Variants in EBF2 observed in about 807,000 individuals in gnomAD.
The protein encoded by EBF2 is EBF transcription factor 2.
A neutral mutation model predicts 72.8 loss-of-function variants in EBF2; 21 were observed. The observed-to-expected ratio is 0.29, with a 90% CI of 0.20 to 0.42. EBF2 has a LOEUF of 0.42. Ranked by LOEUF, EBF2 falls within the 10% of genes least tolerant of loss-of-function variation. The pLI is 1.00. For synonymous variants in EBF2, 299 were observed against 274.2 expected, an observed-to-expected ratio of 1.09 and a Z score of -0.89; for missense variants, 637 against 731.2, an observed-to-expected ratio of 0.87 and a Z score of 1.49.
At chr8:25,925,402 C>T (rs1338324705) in intron 6 of EBF2, among the ~76,000 whole-genome samples, 2 of 151,848 alleles carry the variant, frequency 1.3e-5, no homozygotes, top group Non-Finnish European at 2.9e-5. Flanking sequence ...ACCTGAGGTG[C>T]CTTACAGTAA....
At chr8:25,868,583 C>A (rs1585268005) in intron 10 of EBF2, among the ~76,000 whole-genome samples, 1 of 152,178 alleles carries the variant, frequency 6.6e-6, no homozygotes, top group African/African-American at 2.4e-5. Context: ...TGGGCTCAAG[C>A]AATCCTCCTG....
chr8:26,019,412 T>G (rs1377405265), intron 6 of EBF2, among the ~76,000 whole-genome samples: 1 of 152,138 alleles, frequency 6.6e-6, no homozygotes, highest in Non-Finnish European at 1.5e-5. Flanking sequence ...ACAGACAGAA[T>G]AGATCTCAAT....
At chr8:25,924,455 G>A (rs191177581) in intron 6 of EBF2, among the ~76,000 whole-genome samples, 16 of 152,282 alleles carry the variant, frequency 1.1e-4, no homozygotes, top group East Asian at 5.8e-4. Context: ...GAAGGAGGGC[G>A]CGATGGATGG....
chr8:26,022,091 T>C (rs531125002), intron 6 of EBF2, among the ~76,000 whole-genome samples: 1 of 152,334 alleles, frequency 6.6e-6, no homozygotes, highest in East Asian at 1.9e-4. Context: ...CCTCCAAGCC[T>C]TCAGTACAGT....
chr8:26,022,060 A>G (rs1342832438), intron 6 of EBF2, among the ~76,000 whole-genome samples: 1 of 152,200 alleles, frequency 6.6e-6, no homozygotes, highest in African/African-American at 2.4e-5. Context: ...AAGGTAATGA[A>G]TCCTCAGACC....
chr8:25,979,089 C>T (rs531911813), intron 6 of EBF2, among the ~76,000 whole-genome samples: 8 of 152,306 alleles, frequency 5.3e-5, no homozygotes, highest in African/African-American at 1.9e-4. Flanking sequence ...GGTGAGATTC[C>T]TGTGTGGCTG....
At chr8:25,913,690 G>A (rs537244326) in intron 6 of EBF2, among the ~76,000 whole-genome samples, 1 of 152,154 alleles carries the variant, frequency 6.6e-6, no homozygotes, top group African/African-American at 2.4e-5. Context: ...GACCAAGAGA[G>A]GGGATGCTGT....
intron 6 of EBF2, among the ~76,000 whole-genome samples, chr8:26,014,263 T>C (rs1012527735): frequency 6.6e-6 from 1 of 152,126 alleles, no homozygotes; most frequent in Non-Finnish European, 1.5e-5. Context: ...CCCTCCTGCT[T>C]ATATTATAAA....
chr8:25,879,386 A>G (rs1437905704), intron 10 of EBF2, among the ~76,000 whole-genome samples: 1 of 152,164 alleles, frequency 6.6e-6, no homozygotes. Flanking sequence ...AGCAAACTCA[A>G]TTATTTCCTA....
At chr8:25,873,528 A>G (rs780440454) in intron 10 of EBF2, among the ~76,000 whole-genome samples, 3 of 152,232 alleles carry the variant, frequency 2.0e-5, no homozygotes, top group Non-Finnish European at 4.4e-5. Flanking sequence ...AACAAAGATA[A>G]TATAGGAACA....
intron 10 of EBF2, among the ~76,000 whole-genome samples, chr8:25,879,623 T>G (rs1802575510): frequency 6.6e-6 from 1 of 152,106 alleles, no homozygotes; most frequent in African/African-American, 2.4e-5. Flanking sequence ...TCCAACTGAC[T>G]TCAGGGACAG....
At chr8:25,994,536 T>C (rs901381517) in intron 6 of EBF2, among the ~76,000 whole-genome samples, 4 of 152,192 alleles carry the variant, frequency 2.6e-5, no homozygotes, top group African/African-American at 9.6e-5. Context: ...CAGATCAACT[T>C]AGATGCCCCA....
rs112211291 is a variant in EBF2 at position 25,898,450 on chromosome 8, T to TAAAAAAA, written c.634-8588_634-8582dup. ...CCCAATTGAGAAATCCAGTGGCAAT[T>TAAAAAAA]AAAAAAAAAAAAACCAGCTTTTCAT... On this transcript the variant is annotated intron_variant, in intron 7 of 15. Transcript: ENST00000520164. Among the ~76,000 whole-genome samples the TAAAAAAA allele has an allele frequency of 1.9e-4, 28 of 144,520 alleles. 1 individual carries two copies. Among genetic ancestry groups the TAAAAAAA allele is most frequent in the South Asian group, 6.7e-4 (3 of 4,474 alleles). 94.8% of individuals were successfully genotyped at this position (144,520 alleles called of 152,430 possible).
chr8:25,866,467 AG>A (rs945810937), intron 10 of EBF2, among the ~76,000 whole-genome samples: 1 of 143,194 alleles, frequency 7.0e-6, no homozygotes, highest in African/African-American at 2.6e-5. Context: ...TATAATATAT[AG>A]GATATATAAT....
intron 14 of EBF2, among the ~76,000 whole-genome samples, chr8:25,852,303 A>AAAT (rs1231347943): frequency 2.0e-5 from 3 of 151,616 alleles, no homozygotes; most frequent in South Asian, 2.1e-4. Flanking sequence ...GGCATTAGTG[A>AAAT]AATAGAAAAA....
At chr8:25,999,822 C>G (rs907431764) in intron 6 of EBF2, among the ~76,000 whole-genome samples, 6 of 152,054 alleles carry the variant, frequency 3.9e-5, no homozygotes, top group Admixed American at 3.9e-4. Context: ...ATTTCCTCAT[C>G]GTTTTCTTTG....
At chr8:25,919,860 C>CA (rs1803280227) in intron 6 of EBF2, among the ~76,000 whole-genome samples, 1 of 152,112 alleles carries the variant, frequency 6.6e-6, no homozygotes. Context: ...AACTCAAGTG[C>CA]AAAAAATATT....
intron 14 of EBF2, among the ~76,000 whole-genome samples, chr8:25,856,007 G>A (rs879714058): frequency 2.0e-5 from 3 of 152,130 alleles, no homozygotes; most frequent in Non-Finnish European, 4.4e-5. Flanking sequence ...GTTTTCTTGT[G>A]GCAGTGGGTT....
chr8:26,026,310 G>A (rs1294193580), intron 6 of EBF2, among the ~76,000 whole-genome samples: 1 of 152,140 alleles, frequency 6.6e-6, no homozygotes, highest in East Asian at 1.9e-4. Context: ...AATTATTGAG[G>A]AGCAGGGATG....
Sources: allele counts gnomAD v4.1 joint callset (sites outside exome capture counted in the v4.1 genomes callset), GRCh38; gene constraint gnomAD v4.1.1; transcripts MANE v1.5; gene names NCBI Gene and HGNC (gene_info 2026-07-23, HGNC 2026-07-21).